Variants in PPP2R2C observed in about 807,000 individuals in gnomAD.
PPP2R2C encodes protein phosphatase 2 regulatory subunit Bgamma.
A neutral mutation model predicts 45.3 loss-of-function variants in PPP2R2C; 10 were observed. The ratio of observed to expected loss-of-function variants is 0.22; its 90% CI spans 0.14 to 0.37. PPP2R2C has a LOEUF of 0.37. Among genes scored for constraint, PPP2R2C ranks in the 10% least tolerant of loss-of-function variants. The pLI is 1.00. For missense variants in PPP2R2C, 308 were observed against 619.7 expected, an observed-to-expected ratio of 0.50 and a Z score of 5.34; for synonymous variants, 257 against 245.4, an observed-to-expected ratio of 1.05 and a Z score of -0.44.
At chr4:6,442,827 T>C (rs1044987409) in intron 1 of PPP2R2C, among the ~76,000 whole-genome samples, 1 of 152,048 alleles carries the variant, frequency 6.6e-6, no homozygotes, top group Admixed American at 6.5e-5. Context: ...GACTCCAGAG[T>C]CCATGCTCAT....
intron 1 of PPP2R2C, among the ~76,000 whole-genome samples, chr4:6,432,595 G>A (rs1433561509): frequency 2.6e-5 from 4 of 152,188 alleles, no homozygotes; most frequent in African/African-American, 7.2e-5. Flanking sequence ...GTAATATGGT[G>A]CACAGGTCAC....
At chr4:6,509,998 T>C (rs1723374758) in intron 2 of PPP2R2C, among the ~76,000 whole-genome samples, 1 of 152,004 alleles carries the variant, frequency 6.6e-6, no homozygotes. Context: ...GCTTCTAACG[T>C]CCTCTCATTC....
At chr4:6,373,288 T>G (rs2109298139) in intron 4 of PPP2R2C, among the ~76,000 whole-genome samples, 1 of 152,304 alleles carries the variant, frequency 6.6e-6, no homozygotes, top group Middle Eastern at 3.4e-3. Flanking sequence ...CACATCCACA[T>G]CGAACCTTCC....
chr4:6,509,777 G>A (rs1031537840), intron 2 of PPP2R2C, among the ~76,000 whole-genome samples: 3 of 152,102 alleles, frequency 2.0e-5, no homozygotes, highest in Non-Finnish European at 4.4e-5. Context: ...TTCACTCTCC[G>A]TGCCTTAGTT....
chr4:6,477,088 A>G (rs935830795), upstream of PPP2R2C, among the ~76,000 whole-genome samples: 1 of 152,100 alleles, frequency 6.6e-6, no homozygotes, highest in Admixed American at 6.6e-5. Flanking sequence ...CCCCGTCTCT[A>G]CTAAAAAAAT....
At chr4:6,382,899 C>T (rs1560501965) in intron 1 of PPP2R2C, 1 of 1,089,160 alleles carries the variant, frequency 9.2e-7, no homozygotes, top group Non-Finnish European at 1.1e-6. Context: ...TCAAAACCCT[C>T]CAGCGGCTCC....
intron 1 of PPP2R2C, among the ~76,000 whole-genome samples, chr4:6,441,102 G>A (rs1720127659): frequency 6.6e-6 from 1 of 152,134 alleles, no homozygotes; most frequent in South Asian, 2.1e-4. Flanking sequence ...TGAGTTTCCA[G>A]TAACCTCCAG....
In PPP2R2C at chr4:6,343,168, T is replaced by C. The variant is rs141676189; in HGVS notation, c.790+4678A>G. 8.8e-3 allele frequency among the ~76,000 whole-genome samples: 1,342 copies of C among 152,332 alleles called. 14 individuals are homozygous for C. The highest frequency in any genetic ancestry group is 0.031 in the African/African-American group (1,276 of 41,562). ...TGCTAATTGGAAAGCGGCTGCGTGC[T>C]TGATTTCCCATGAGAGCCACAGAGC... On this transcript the variant is annotated intron_variant, in intron 6 of 8. Transcript: ENST00000382599.
Position 6,563,026 on chromosome 4 carries a change from G to C in PPP2R2C, c.-59+534C>G, listed in dbSNP as rs1725631978. Among the ~76,000 whole-genome samples, 1 of 151,706 alleles carries C rather than the reference G, an allele frequency of 6.6e-6. No homozygotes were observed. Among genetic ancestry groups the C allele is most frequent in the African/African-American group, 2.4e-5 (1 of 41,222 alleles). Reference sequence around the variant, plus strand: ...AGCCGGGCCTGACTCAGCACCCACCGGCGCGGGCAGCGGGAGGAGCGCGTA... The same window carrying C: ...AGCCGGGCCTGACTCAGCACCCACCCGCGCGGGCAGCGGGAGGAGCGCGTA... On this transcript the variant is annotated intron_variant, in intron 1 of 9. Transcript: ENST00000506140. This position sits in a 1 kb window ranked among gnomAD's most constrained non-coding sequence, Gnocchi z 5.8.
chr4:6,525,886 T>G (rs559619118), intron 2 of PPP2R2C, among the ~76,000 whole-genome samples: 2 of 152,156 alleles, frequency 1.3e-5, no homozygotes, highest in South Asian at 4.1e-4. Context: ...ATATTTTTAG[T>G]AGATACAGCG....
chr4:6,432,838 G>A (rs1162431059), intron 1 of PPP2R2C, among the ~76,000 whole-genome samples: 4 of 152,036 alleles, frequency 2.6e-5, no homozygotes, highest in African/African-American at 9.7e-5. Flanking sequence ...GAGCTGTGAG[G>A]GTCACTTATA....
rs1484158225 is a variant in PPP2R2C, at chr4:6,320,780, A to T, written c.*2522T>A. On this transcript the variant is annotated 3_prime_UTR_variant, in exon 9 of 9. Coordinates refer to ENST00000382599, the MANE Select transcript of PPP2R2C (RefSeq NM_020416.4). ...CACCCCCACCACCACCACCACCAAC[A>T]GCTTCGTCCTCAGAGAAGAGCTAAA... The T allele has an allele frequency of 6.6e-6, 1 of 150,434 alleles. No homozygotes were observed. Among genetic ancestry groups the T allele is most frequent in the African/African-American group, 2.5e-5 (1 of 40,810 alleles). 9.3% of individuals were successfully genotyped at this position (150,434 alleles called of 1,614,324 possible).
In PPP2R2C at chr4:6,378,312, G is replaced by A. The variant is rs1715508551; in HGVS notation, c.334+95C>T. The A allele has an allele frequency of 6.3e-7, 1 of 1,579,846 alleles. No homozygotes were observed. Among genetic ancestry groups the A allele is most frequent in the Non-Finnish European group, 8.6e-7 (1 of 1,166,290 alleles). ...ATTTTCTAGGCGTTCTGAAGACATA[G>A]AAAAATGCTCACAATATAAGTGAAA... is the stretch of plus-strand genomic sequence containing the variant. On this transcript the variant is annotated intron_variant, in intron 3 of 8. Transcript: ENST00000382599. This position sits in a 1 kb window ranked among gnomAD's most constrained non-coding sequence, Gnocchi z 5.2.
chr4:6,535,551 C>T (rs1289056686), intron 1 of PPP2R2C, among the ~76,000 whole-genome samples: 1 of 152,222 alleles, frequency 6.6e-6, no homozygotes, highest in Non-Finnish European at 1.5e-5. Flanking sequence ...CTCCCGGCTG[C>T]AGGAGCCGCC....
At chr4:6,337,512 G>A (rs568937222) in intron 6 of PPP2R2C, among the ~76,000 whole-genome samples, 2 of 152,134 alleles carry the variant, frequency 1.3e-5, no homozygotes, top group South Asian at 2.1e-4. Context: ...GAGCCAGGGC[G>A]GCCTCTCACA....
At chr4:6,541,380 T>A (rs1164675100) in intron 1 of PPP2R2C, among the ~76,000 whole-genome samples, 2 of 150,410 alleles carry the variant, frequency 1.3e-5, no homozygotes, top group Non-Finnish European at 2.9e-5. Context: ...AGGTCAAGAT[T>A]AATTAATTAA....
intron 1 of PPP2R2C, among the ~76,000 whole-genome samples, chr4:6,546,362 G>A (rs1724984922): frequency 6.6e-6 from 1 of 152,198 alleles, no homozygotes; most frequent in African/African-American, 2.4e-5. Flanking sequence ...AAAAGTATTA[G>A]TAGTGGTCAT....
intron 1 of PPP2R2C, among the ~76,000 whole-genome samples, chr4:6,470,298 G>A (rs769701943): frequency 7.9e-5 from 12 of 152,316 alleles, no homozygotes; most frequent in Admixed American, 5.2e-4. Flanking sequence ...TAAATATCTC[G>A]TGTCTGGATG....
intron 1 of PPP2R2C, among the ~76,000 whole-genome samples, chr4:6,405,173 G>A (rs1402910456): frequency 6.6e-6 from 1 of 152,204 alleles, no homozygotes. Context: ...CTGGAAGGTA[G>A]CTGCTATTAT....
Sources: gnomAD v4.1 joint callset for allele counts (sites outside exome capture counted in the v4.1 genomes callset) on GRCh38, gnomAD v4.1.1 for gene constraint, Gnocchi (gnomAD v3.1) non-coding constraint, MANE v1.5 for transcripts, NCBI Gene and HGNC (gene_info 2026-07-23, HGNC 2026-07-21) for gene names.